The following LRRC49 variants were observed in gnomAD, a reference collection of about 807,000 sequenced individuals.
LRRC49 encodes the protein leucine rich repeat containing 49.
Under a neutral mutation model 83.3 loss-of-function variants are expected in LRRC49, and 50 were observed. The observed-to-expected ratio is 0.60, with a 90% confidence interval of 0.48 to 0.76. The LOEUF (loss-of-function observed/expected upper bound fraction) is 0.76, where lower values mean the gene tolerates loss of function less well. Among genes scored for constraint, LRRC49 ranks in the 30% least tolerant of loss-of-function variants. The probability of loss-of-function intolerance (pLI) is 0.00; values close to 1 mark genes in which losing one functional copy is unlikely to be tolerated. For synonymous variants in LRRC49, 286 were observed against 283.3 expected, an observed-to-expected ratio of 1.01 and a Z score of -0.10; for missense variants, 704 against 809.1, an observed-to-expected ratio of 0.87 and a Z score of 1.58.
chr15:71,038,074 A>C (rs1175841334), intron 15 of LRRC49, among the ~76,000 whole-genome samples: 1 of 152,198 alleles, frequency 6.6e-6, no homozygotes, highest in South Asian at 2.1e-4. Flanking sequence ...AGAACAAGAA[A>C]GAGAAAACAC....
intron 11 of LRRC49, among the ~76,000 whole-genome samples, chr15:71,004,034 A>G (rs2038362875): frequency 6.6e-6 from 1 of 152,170 alleles, no homozygotes; most frequent in East Asian, 1.9e-4. Context: ...TATCCCTAAC[A>G]CCAGTACCTA....
At chr15:70,952,776 A>G (rs747721186) in intron 8 of LRRC49, among the ~76,000 whole-genome samples, 2 of 151,624 alleles carry the variant, frequency 1.3e-5, no homozygotes, top group African/African-American at 2.4e-5. Flanking sequence ...CTCTTCACAG[A>G]TCGCTAAGAA....
At chr15:70,869,155 A>G (rs1250049602) in intron 1 of LRRC49, among the ~76,000 whole-genome samples, 1 of 152,250 alleles carries the variant, frequency 6.6e-6, no homozygotes, top group African/African-American at 2.4e-5. Context: ...TTATTATAAT[A>G]CATGAAAAGC....
chr15:71,015,913 G>A (rs2038810520), intron 14 of LRRC49, among the ~76,000 whole-genome samples: 1 of 152,180 alleles, frequency 6.6e-6, no homozygotes, highest in Non-Finnish European at 1.5e-5. Flanking sequence ...CATCAATAGA[G>A]CGAGACGAAT....
At chr15:70,891,521 C>A (rs1206841419), upstream of LRRC49, among the ~76,000 whole-genome samples, 1 of 151,432 alleles carries the variant, frequency 6.6e-6, no homozygotes, top group Non-Finnish European at 1.5e-5. Context: ...TTTAAAAACT[C>A]TGGAGCAGCG....
At chr15:70,985,536 G>T (rs1166318517) in intron 11 of LRRC49, among the ~76,000 whole-genome samples, 3 of 152,076 alleles carry the variant, frequency 2.0e-5, no homozygotes, top group Non-Finnish European at 4.4e-5. Context: ...TTAGCCCTTT[G>T]TCACATGAGT....
At chr15:70,858,317 C>CA (rs2032700909) in intron 1 of LRRC49, among the ~76,000 whole-genome samples, 1 of 152,150 alleles carries the variant, frequency 6.6e-6, no homozygotes, top group Admixed American at 6.5e-5. Flanking sequence ...GACAGGGTCT[C>CA]ACAGCTGGGT....
At chr15:70,988,045 T>C (rs1159897618) in intron 11 of LRRC49, among the ~76,000 whole-genome samples, 2 of 151,996 alleles carry the variant, frequency 1.3e-5, no homozygotes, top group African/African-American at 4.8e-5. Context: ...TGAGGAGAGC[T>C]TTACTTCCAA....
rs55702353 is a variant in LRRC49 at position 70,900,850 on chromosome 15, A to ATG, written c.194-71_194-70insGT. 658 of 813,550 alleles carry ATG rather than the reference A, an allele frequency of 8.1e-4. 2 individuals are homozygous for ATG. The highest frequency in any genetic ancestry group is 3.0e-3 in the Admixed American group (111 of 37,260). The allele number at this position is 813,550 out of a possible 1,614,324, so 50.4% of individuals were successfully genotyped here. ...TATTTATGGTGCTAAAATTCTCCAA[A>ATG]TATAAGATGACTTTAGTTTCAGACT... On this transcript the variant is annotated intron_variant, in intron 3 of 15. Coordinates refer to ENST00000260382, the MANE Select transcript of LRRC49 (RefSeq NM_017691.5).
chr15:70,982,538 A>G (rs1022452952), intron 10 of LRRC49, among the ~76,000 whole-genome samples: 2 of 152,202 alleles, frequency 1.3e-5, no homozygotes, highest in East Asian at 3.9e-4. Context: ...CAAAGTATAT[A>G]CATATTAAAT....
chr15:70,913,431 C>A (rs1335714219), intron 6 of LRRC49, among the ~76,000 whole-genome samples: 6 of 152,100 alleles, frequency 3.9e-5, no homozygotes, highest in Non-Finnish European at 7.4e-5. Context: ...AATTGTCTGG[C>A]TCTGCAGGTT....
intron 15 of LRRC49, among the ~76,000 whole-genome samples, chr15:71,044,410 T>TG (rs1274126932): frequency 1.3e-5 from 2 of 152,266 alleles, no homozygotes; most frequent in Non-Finnish European, 2.9e-5. Context: ...AATATGCCTC[T>TG]GTTAAGGAAA....
At chr15:70,951,151 A>G (rs2036202466) in intron 8 of LRRC49, among the ~76,000 whole-genome samples, 1 of 151,906 alleles carries the variant, frequency 6.6e-6, no homozygotes, top group Non-Finnish European at 1.5e-5. Context: ...ATGCTGTTTC[A>G]GTTACTGTAG....
intron 3 of LRRC49, among the ~76,000 whole-genome samples, chr15:70,896,811 T>C (rs1034644955): frequency 2.6e-5 from 4 of 152,150 alleles, no homozygotes; most frequent in Admixed American, 1.3e-4. Context: ...TTCTCTCTCT[T>C]TTTATTTCTG....
intron 11 of LRRC49, among the ~76,000 whole-genome samples, chr15:70,989,145 G>A (rs1335566625): frequency 6.6e-6 from 1 of 152,158 alleles, no homozygotes; most frequent in African/African-American, 2.4e-5. Context: ...GAGTATCTTT[G>A]TGGCATTCTC....
At chr15:71,036,961 T>C (rs1313313306) in intron 14 of LRRC49, among the ~76,000 whole-genome samples, 1 of 152,202 alleles carries the variant, frequency 6.6e-6, no homozygotes, top group African/African-American at 2.4e-5. Context: ...CGTATTTTCA[T>C]TGATGATTAG....
chr15:70,870,769 T>C (rs8028923), intron 1 of LRRC49, among the ~76,000 whole-genome samples: 82,606 of 151,978 alleles, frequency 0.54, 23,280 homozygotes, highest in Admixed American at 0.69. Context: ...GGATTACAGG[T>C]GTGAGCCACC....
At chr15:71,013,016 C>T in intron 14 of LRRC49, 103 bp downstream of exon 14, 7 of 725,020 alleles carry the variant, frequency 9.7e-6, no homozygotes, top group Non-Finnish European at 1.6e-5. Flanking sequence ...GTTCCATAAA[C>T]ATGTATCCTA....
At chr15:70,976,712 T>A (rs758495942) in intron 9 of LRRC49, among the ~76,000 whole-genome samples, 2 of 152,170 alleles carry the variant, frequency 1.3e-5, no homozygotes, top group Non-Finnish European at 2.9e-5. Flanking sequence ...TTATTTATTT[T>A]TTTATTTTTA....
Sources: allele counts gnomAD v4.1 joint callset (sites outside exome capture counted in the v4.1 genomes callset), GRCh38; gene constraint gnomAD v4.1.1; transcripts MANE v1.5; gene names NCBI Gene and HGNC (gene_info 2026-07-23, HGNC 2026-07-21).